Variants in TMEM232 observed in about 807,000 individuals in gnomAD.
TMEM232 encodes transmembrane protein 232.
A neutral mutation model predicts 78.8 loss-of-function variants in TMEM232; 80 were observed. The observed-to-expected ratio is 1.01, with a 90% CI of 0.85 to 1.22. TMEM232 has a LOEUF of 1.22. Ranked by LOEUF, TMEM232 falls within the 50% of genes most tolerant of loss-of-function variation. The probability of loss-of-function intolerance (pLI) is 0.00; values close to 1 mark genes in which losing one functional copy is unlikely to be tolerated. For synonymous variants in TMEM232, 297 were observed against 254.3 expected, an observed-to-expected ratio of 1.17 and a Z score of -1.60; for missense variants, 881 against 742.2, an observed-to-expected ratio of 1.19 and a Z score of -2.17.
chr5:110,592,711 A>C (rs1178980710), intron 10 of TMEM232, among the ~76,000 whole-genome samples: 1 of 152,148 alleles, frequency 6.6e-6, no homozygotes, highest in East Asian at 1.9e-4. Context: ...CATTTCCTCT[A>C]AACCACTTGT....
chr5:110,581,970 C>T (rs1430520515), intron 10 of TMEM232, among the ~76,000 whole-genome samples: 1 of 151,894 alleles, frequency 6.6e-6, no homozygotes, highest in Non-Finnish European at 1.5e-5. Context: ...CCATCTCACA[C>T]CAAACAGAGT....
intron 11 of TMEM232, among the ~76,000 whole-genome samples, chr5:110,536,229 T>C (rs944925239): frequency 1.3e-5 from 2 of 152,240 alleles, no homozygotes; most frequent in East Asian, 1.9e-4. Context: ...AAGGTTTCCA[T>C]GTGGAAGCCC....
At chr5:110,493,090 C>T (rs923070271) in intron 12 of TMEM232, among the ~76,000 whole-genome samples, 4 of 151,650 alleles carry the variant, frequency 2.6e-5, no homozygotes, top group Non-Finnish European at 5.9e-5. Flanking sequence ...ACAACAACAA[C>T]AAAACACCCA....
At chr5:110,674,903 T>C (rs1378006000) in intron 1 of TMEM232, among the ~76,000 whole-genome samples, 2 of 152,188 alleles carry the variant, frequency 1.3e-5, no homozygotes, top group East Asian at 1.9e-4. Context: ...CAAGTGCAAT[T>C]TGGACATATT....
At chr5:110,737,093 G>T (rs1476446866) in intron 1 of TMEM232, among the ~76,000 whole-genome samples, 1 of 151,126 alleles carries the variant, frequency 6.6e-6, no homozygotes, top group Admixed American at 6.6e-5. Context: ...TATTTGACAG[G>T]ATATATTTAT....
At chr5:110,471,235 G>A (rs1302737334) in intron 12 of TMEM232, among the ~76,000 whole-genome samples, 1 of 152,114 alleles carries the variant, frequency 6.6e-6, no homozygotes. Flanking sequence ...GAAAAACAGT[G>A]AAGACAGTAT....
chr5:110,499,794 C>A (rs1367306364), intron 12 of TMEM232, among the ~76,000 whole-genome samples: 1 of 152,040 alleles, frequency 6.6e-6, no homozygotes, highest in Non-Finnish European at 1.5e-5. Flanking sequence ...GTCAAATCTA[C>A]AACTATAGTT....
chr5:110,623,851 G>A (rs1399295957), intron 7 of TMEM232, among the ~76,000 whole-genome samples: 1 of 152,200 alleles, frequency 6.6e-6, no homozygotes, highest in African/African-American at 2.4e-5. Flanking sequence ...GAATTTAGAA[G>A]AGATTGAATC....
chr5:110,675,211 GT>G (rs577884230), intron 1 of TMEM232, among the ~76,000 whole-genome samples: 139 of 151,838 alleles, frequency 9.2e-4, no homozygotes, highest in African/African-American at 3.3e-3. Flanking sequence ...TGCCCAGCTA[GT>G]TTTTTTATTT....
intron 12 of TMEM232, among the ~76,000 whole-genome samples, chr5:110,446,609 G>A (rs1759674914): frequency 6.6e-6 from 1 of 152,118 alleles, no homozygotes; most frequent in South Asian, 2.1e-4. Flanking sequence ...ATATAATGGT[G>A]TAAGACTTTA....
intron 12 of TMEM232, among the ~76,000 whole-genome samples, chr5:110,426,330 C>T (rs1332969329): frequency 6.6e-6 from 1 of 151,994 alleles, no homozygotes; most frequent in Non-Finnish European, 1.5e-5. Flanking sequence ...ATCATGGATA[C>T]TTTTGCCTGT....
chr5:110,618,657 T>C (rs1007725934), intron 7 of TMEM232, 95 bp from the exon 8 acceptor site: 5 of 1,262,426 alleles, frequency 4.0e-6, no homozygotes, highest in East Asian at 2.6e-5. Context: ...ATTTTAAATA[T>C]ACAAATGAAA....
At chr5:110,521,055 A>AGCTGG (rs1561615679) in intron 12 of TMEM232, among the ~76,000 whole-genome samples, 1 of 152,016 alleles carries the variant, frequency 6.6e-6, no homozygotes, top group East Asian at 1.9e-4. Flanking sequence ...TTAAGCTGAG[A>AGCTGG]GCTGGGCTGG....
At chr5:110,631,170 A>G (rs530524182) in intron 5 of TMEM232, among the ~76,000 whole-genome samples, 166 of 152,300 alleles carry the variant, frequency 1.1e-3, no homozygotes, top group African/African-American at 3.9e-3. Context: ...ACGGCGGCCC[A>G]GTACTGTGGC....
At chr5:110,733,884 A>T (rs1347993921) in intron 2 of TMEM232, among the ~76,000 whole-genome samples, 1 of 152,252 alleles carries the variant, frequency 6.6e-6, no homozygotes, top group Non-Finnish European at 1.5e-5. Context: ...TTCAACTTAT[A>T]AAAATCCAGT....
chr5:110,669,289 A>T (rs1476295889), intron 1 of TMEM232, among the ~76,000 whole-genome samples: 1 of 152,222 alleles, frequency 6.6e-6, no homozygotes, highest in African/African-American at 2.4e-5. Flanking sequence ...AAAAAATGAT[A>T]AAGGGGATAT....
At chr5:110,391,979 T>C (rs554300709) in intron 3 of TMEM232, among the ~76,000 whole-genome samples, 2 of 152,230 alleles carry the variant, frequency 1.3e-5, no homozygotes, top group Admixed American at 6.5e-5. Context: ...CTCCTACATA[T>C]GCATCATATG....
chr5:110,515,513 T>C (rs1034516625), intron 12 of TMEM232, among the ~76,000 whole-genome samples: 3 of 152,278 alleles, frequency 2.0e-5, no homozygotes, highest in Admixed American at 6.5e-5. Flanking sequence ...TATAAGAAGG[T>C]AGAGTAGCAG....
chr5:110,526,468 T>C (rs1330718020), intron 12 of TMEM232, among the ~76,000 whole-genome samples: 2 of 151,852 alleles, frequency 1.3e-5, no homozygotes, highest in African/African-American at 4.8e-5. Flanking sequence ...ACTACTTACC[T>C]TAAGAAAATT....
Sources: allele counts gnomAD v4.1 joint callset (sites outside exome capture counted in the v4.1 genomes callset), GRCh38; gene constraint gnomAD v4.1.1; transcripts MANE v1.5; gene names NCBI Gene and HGNC (gene_info 2026-07-23, HGNC 2026-07-21).